Variants in RIPPLY1 observed in about 807,000 individuals in gnomAD.
The protein encoded by RIPPLY1 is protein ripply1.
RIPPLY1 carries 10 observed loss-of-function variants against 8.7 expected under a neutral mutation model. The ratio of observed to expected loss-of-function variants is 1.15; its 90% CI spans 0.71 to 1.94. RIPPLY1 has a LOEUF of 1.94. RIPPLY1 is among the 30% of genes most tolerant of loss of function. RIPPLY1 has a pLI of 0.00. For synonymous variants in RIPPLY1, 54 were observed against 44.8 expected (o/e 1.20, Z -0.82); for missense variants, 118 against 108.7 (o/e 1.09, Z -0.38).
At chrX:106,901,285 G>A (rs1205561111) in intron 3 of RIPPLY1, among the ~76,000 whole-genome samples, 189 bp downstream of exon 3, 3 of 111,950 alleles carry the variant, frequency 2.7e-5, no homozygotes, top group Non-Finnish European at 5.6e-5. Context: ...CTTGGGCATC[G>A]TTAACAATGC....
In RIPPLY1 at chrX:106,902,226, G is replaced by A. The variant is rs765575096; in HGVS notation, c.156-11C>T. 3 of 1,154,158 alleles carry A rather than the reference G, an allele frequency of 2.6e-6. No homozygotes were observed. The highest frequency in any genetic ancestry group is 2.4e-4 in the Middle Eastern group (1 of 4,235). Reference sequence around the variant, plus strand: ...CAGAGACAAGTTCCTCTGGGACAAAGAGGAGAGATCAATCCGTAGAGGAAG... The same window carrying A: ...CAGAGACAAGTTCCTCTGGGACAAAAAGGAGAGATCAATCCGTAGAGGAAG... On this transcript the variant is annotated splice_polypyrimidine_tract_variant and intron_variant, in intron 1 of 3. Transcript: ENST00000276173.
rs772413787 is a variant in RIPPLY1, at chrX:106,901,185, A to G, written c.297-277T>C. Among the ~76,000 whole-genome samples the G allele has an allele frequency of 1.1e-4, 12 of 112,253 alleles. No homozygotes were observed. The Admixed American group carries it at 1.1e-3, about 10-fold the overall frequency. ...TCTGACTCCACCTGCTACCTACCCC[A>G]GAAAGCTTCTAGCCAAGAATTCTCC... On this transcript the variant is annotated intron_variant, in intron 3 of 3. Coordinates refer to ENST00000276173, the MANE Select transcript of RIPPLY1 (RefSeq NM_138382.3).
chrX:106,901,839 G>A (rs889176320), intron 2 of RIPPLY1, among the ~76,000 whole-genome samples: 2 of 111,490 alleles, frequency 1.8e-5, no homozygotes, highest in Non-Finnish European at 3.8e-5. Flanking sequence ...GATCGGGTGG[G>A]TGGGAGAGCA....
chrX:106,903,106 G>A (rs757086100), intron 1 of RIPPLY1, 27 bp downstream of exon 1: 4 of 1,208,280 alleles, frequency 3.3e-6, no homozygotes, highest in Non-Finnish European at 2.2e-6. Flanking sequence ...CCTAAGTTCA[G>A]GTTGCCAAAG....
chrX:106,902,948 C>T (rs948907367), intron 1 of RIPPLY1, among the ~76,000 whole-genome samples, 185 bp downstream of exon 1: 11 of 112,345 alleles, frequency 9.8e-5, no homozygotes, highest in Admixed American at 5.6e-4. Context: ...CTCTTGCCAC[C>T]CAGCGGGATT....
intron 3 of RIPPLY1, among the ~76,000 whole-genome samples, 195 bp from the exon 4 acceptor site, chrX:106,901,103 C>T (rs771115189): frequency 1.8e-5 from 2 of 112,331 alleles, no homozygotes; most frequent in South Asian, 3.8e-4. Context: ...AAGGTAAACC[C>T]TTATGGACCT....
At chrX:106,902,947 C>A (rs1315942454) in intron 1 of RIPPLY1, among the ~76,000 whole-genome samples, 186 bp downstream of exon 1, 1 of 112,363 alleles carries the variant, frequency 8.9e-6, no homozygotes, top group African/African-American at 3.2e-5. Flanking sequence ...CCTCTTGCCA[C>A]CCAGCGGGAT....
At position 106,900,600 on chromosome X, in the gene RIPPLY1, AAAACTTGCCAGAC is replaced by A. The variant is rs1933075229; in HGVS notation, c.*136_*148del. On this transcript the variant is annotated 3_prime_UTR_variant, in exon 4 of 4. Transcript: ENST00000276173. Reference sequence around the variant, plus strand: ...TACTTCCGGCTAACTGATGTCTGTGAAAACTTGCCAGACAAACTGAACCCCAATCAGACTCTGG... The same window carrying A: ...TACTTCCGGCTAACTGATGTCTGTGAAAACTGAACCCCAATCAGACTCTGG... 9.9e-7 allele frequency: 1 copy of A among 1,005,338 alleles called. No homozygotes were observed. Among genetic ancestry groups the A allele is most frequent in the East Asian group, 3.5e-5 (1 of 28,880 alleles). 82.9% of individuals were successfully genotyped at this position (1,005,338 alleles called of 1,213,427 possible). A position where few individuals can be genotyped will look rare whatever the true frequency, so the allele number is the denominator to read the frequency against.
rs1933070412 is a variant in RIPPLY1, at chrX:106,900,307, A to C, written c.*442T>G. 1 of 114,627 alleles carries C rather than the reference A, an allele frequency of 8.7e-6. No homozygotes were observed. Among genetic ancestry groups the C allele is most frequent in the African/African-American group, 3.3e-5 (1 of 30,635 alleles). 9.4% of individuals were successfully genotyped at this position (114,627 alleles called of 1,213,427 possible). A position where few individuals can be genotyped will look rare whatever the true frequency, so the allele number is the denominator to read the frequency against. The stretch of plus-strand genomic sequence containing the variant: ...GCTTTCCACAGAGAGACGGGACTAC[A>C]TGGCCACCTGGGAAGGCTAGGGAGT... On this transcript the variant is annotated 3_prime_UTR_variant, in exon 4 of 4. Coordinates refer to ENST00000276173, the MANE Select transcript of RIPPLY1 (RefSeq NM_138382.3).
intron 2 of RIPPLY1, among the ~76,000 whole-genome samples, chrX:106,901,775 G>A (rs1179073859): frequency 9.0e-6 from 1 of 111,433 alleles, no homozygotes; most frequent in Non-Finnish European, 1.9e-5. Flanking sequence ...TCCAGCACCT[G>A]TTTGGAGGCT....
chrX:106,900,594 T>C lies in RIPPLY1; in HGVS notation c.*155A>G. On this transcript the variant is annotated 3_prime_UTR_variant, in exon 4 of 4. Coordinates refer to ENST00000276173, the MANE Select transcript of RIPPLY1 (RefSeq NM_138382.3). Reference sequence around the variant, plus strand: ...GACTAATACTTCCGGCTAACTGATGTCTGTGAAAACTTGCCAGACAAACTG... The same window carrying C: ...GACTAATACTTCCGGCTAACTGATGCCTGTGAAAACTTGCCAGACAAACTG... The C allele has an allele frequency of 1.0e-6, 1 of 963,050 alleles. No homozygotes were observed. The highest frequency in any genetic ancestry group is 1.4e-6 in the Non-Finnish European group (1 of 730,606). 79.4% of individuals were successfully genotyped at this position (963,050 alleles called of 1,213,427 possible).
chrX:106,901,042 A>T, intron 3 of RIPPLY1, 134 bp from the exon 4 acceptor site: 4 of 1,020,108 alleles, frequency 3.9e-6, no homozygotes, highest in South Asian at 2.7e-5. Flanking sequence ...AGGAAGAAAG[A>T]AAGTTTTGTA....
At chrX:106,901,817 A>G (rs754794709) in intron 2 of RIPPLY1, among the ~76,000 whole-genome samples, 1 of 111,476 alleles carries the variant, frequency 9.0e-6, no homozygotes, top group Non-Finnish European at 1.9e-5. Flanking sequence ...TGGAGCAGCA[A>G]AGATTCAGGG....
At chrX:106,902,847 T>C (rs895972002) in intron 1 of RIPPLY1, among the ~76,000 whole-genome samples, 13 of 112,498 alleles carry the variant, frequency 1.2e-4, no homozygotes, top group African/African-American at 3.5e-4. Flanking sequence ...TTCATGGCAG[T>C]TCCCCATCCC....
rs750454244 is a variant in RIPPLY1 at position 106,901,522 on chromosome X, G to A, written c.248C>T (p.Thr83Met). The change falls in exon 3 of 4, where the codon ACG becomes ATG. Residue 83 changes from threonine to methionine, a missense_variant. Physicochemically the swap from Thr to Met is moderately conservative, Grantham distance 81 (BLOSUM62 -1). Coordinates refer to ENST00000276173, the MANE Select transcript of RIPPLY1 (RefSeq NM_138382.3). ...KLVDLAAGGA[T>M]AAEVTKAESK... is the part of the protein sequence containing the mutation. Reference sequence around the variant, plus strand: ...TTCAGCCTTGGTGACCTCAGCAGCCGTTGCCCCACCAGCAGCCTGTCCAAA... The same window carrying A: ...TTCAGCCTTGGTGACCTCAGCAGCCATTGCCCCACCAGCAGCCTGTCCAAA... The A allele has an allele frequency of 1.6e-5, 19 of 1,209,615 alleles. No individual in the cohort carries two copies. Among genetic ancestry groups the A allele is most frequent in the South Asian group, 3.5e-5 (2 of 56,740 alleles).
intron 3 of RIPPLY1, among the ~76,000 whole-genome samples, 166 bp downstream of exon 3, chrX:106,901,308 C>T (rs764694454): frequency 8.9e-6 from 1 of 112,352 alleles, no homozygotes; most frequent in Non-Finnish European, 1.9e-5. Context: ...CTAGAAAAGA[C>T]AGCCTTGGCA....
intron 1 of RIPPLY1, 101 bp downstream of exon 1, chrX:106,903,032 C>T: frequency 1.1e-6 from 1 of 932,626 alleles, no homozygotes; most frequent in Non-Finnish European, 1.5e-6. Context: ...TTGCTTTTCC[C>T]CTTCACAGAG....
Position 106,902,214 on chromosome X carries a change from C to A in RIPPLY1, c.157G>T (p.Gly53Ter). The change falls in exon 2 of 4, where the codon GGA (glycine) becomes TGA (stop). Residue 53 changes from glycine (G) to a stop codon, truncating the protein, a stop_gained and splice_region_variant. Coordinates refer to ENST00000276173, the MANE Select transcript of RIPPLY1 (RefSeq NM_138382.3). LOFTEE classifies it high-confidence loss of function. ...SGQEVNGSER[G>*]TCLWRPWLSS... ...AGCCAGGGCCTCCAGAGACAAGTTC[C>A]TCTGGGACAAAGAGGAGAGATCAAT... is the stretch of plus-strand genomic sequence containing the variant. The A allele has an allele frequency of 8.5e-7, 1 of 1,174,737 alleles. No individual in the cohort carries two copies. The highest frequency in any genetic ancestry group is 3.1e-5 in the East Asian group (1 of 31,832).
chrX:106,901,454 G>A lies in RIPPLY1; in HGVS notation c.296+20C>T. 1 of 1,203,602 alleles carries A rather than the reference G, an allele frequency of 8.3e-7. No individual in the cohort carries two copies. The highest frequency in any genetic ancestry group is 2.3e-4 in the Middle Eastern group (1 of 4,318). ...CTAATGGATCTATGTCAAGTTTGGA[G>A]CTTCATGCCAGAAGCTTACCTGACA... On this transcript the variant is annotated intron_variant, in intron 3 of 3. Coordinates refer to ENST00000276173, the MANE Select transcript of RIPPLY1 (RefSeq NM_138382.3).
Sources: allele counts gnomAD v4.1 joint callset (sites outside exome capture counted in the v4.1 genomes callset), GRCh38; gene constraint gnomAD v4.1.1; transcripts MANE v1.5; gene names NCBI Gene and HGNC (gene_info 2026-07-23, HGNC 2026-07-21).